Variants in PIK3CB observed in about 807,000 individuals in gnomAD.
PIK3CB encodes the protein phosphatidylinositol-4,5-bisphosphate 3-kinase catalytic subunit beta.
A neutral mutation model predicts 136.8 loss-of-function variants in PIK3CB; 39 were observed. The observed-to-expected ratio is 0.29, with a 90% confidence interval of 0.22 to 0.37. PIK3CB has a LOEUF of 0.37. PIK3CB is among the 10% of genes least tolerant of loss of function. The pLI, the probability that PIK3CB is intolerant of heterozygous loss-of-function variation, is 1.00. For synonymous variants in PIK3CB, 428 were observed against 436.6 expected (o/e 0.98, Z 0.25); for missense variants, 868 against 1,275.4 (o/e 0.68, Z 4.87).
intron 13 of PIK3CB, among the ~76,000 whole-genome samples, chr3:138,697,864 C>G (rs890958589): frequency 6.6e-6 from 1 of 152,088 alleles, no homozygotes; most frequent in Non-Finnish European, 1.5e-5. Context: ...ACTCAAGTAG[C>G]TAGGACTACA....
chr3:138,683,782 T>G lies in PIK3CB; in HGVS notation c.2321A>C (p.Glu774Ala). Reference protein sequence around the residue: ...PCVILSELYVEKCKYMDSKMK... With the variant: ...PCVILSELYVAKCKYMDSKMK... ...TTTGGAATCCATGTATTTGCACTTT[T>G]CAACACTGAAATCAAGTGGGGAAAA... is the stretch of plus-strand genomic sequence containing the variant. Residue 774 changes from glutamate to alanine, a missense_variant, in exon 18 of 24, where the codon GAA becomes GCA. Physicochemically the swap from Glu to Ala is moderately radical, Grantham distance 107 (BLOSUM62 -1). Coordinates refer to ENST00000674063, the MANE Select transcript of PIK3CB (RefSeq NM_006219.3). 3 of 1,544,772 alleles carry G rather than the reference T, an allele frequency of 1.9e-6. No individual in the cohort carries two copies. The highest frequency in any genetic ancestry group is 2.7e-6 in the Non-Finnish European group (3 of 1,117,716).
intron 2 of PIK3CB, among the ~76,000 whole-genome samples, chr3:138,771,427 C>A (rs1202977194): frequency 2.0e-5 from 3 of 151,994 alleles, no homozygotes; most frequent in Admixed American, 1.3e-4. Context: ...CACGTGTTAG[C>A]CAGGATGGTG....
At chr3:138,800,774 G>A (rs571238894) in intron 1 of PIK3CB, among the ~76,000 whole-genome samples, 2 of 152,112 alleles carry the variant, frequency 1.3e-5, no homozygotes, top group South Asian at 2.1e-4. Context: ...ACAGGTGTGT[G>A]CCACCACGCC....
At position 138,669,812 on chromosome 3, in the gene PIK3CB, G is replaced by A. The variant is rs544075354; in HGVS notation, c.2505-4609C>T. Among the ~76,000 whole-genome samples, 5 of 152,150 alleles carry A rather than the reference G, an allele frequency of 3.3e-5. No homozygotes were observed. In the South Asian group the frequency reaches 1.0e-3, roughly 32 times the overall value. On this transcript the variant is annotated intron_variant, in intron 19 of 23. Transcript: ENST00000674063. ...TGTACAGAAGGTACCTCAAGATTTG[G>A]GATTGACCTTAAAAGAGTGTGTGCT...
intron 8 of PIK3CB, among the ~76,000 whole-genome samples, chr3:138,715,430 T>G (rs922783011): frequency 6.6e-6 from 1 of 152,190 alleles, no homozygotes; most frequent in African/African-American, 2.4e-5. Flanking sequence ...ATTGACCCAG[T>G]GATACACTTT....
intron 2 of PIK3CB, among the ~76,000 whole-genome samples, chr3:138,771,517 C>A (rs1221186981): frequency 1.3e-5 from 2 of 152,128 alleles, no homozygotes; most frequent in East Asian, 1.9e-4. Context: ...CCGCGCCCGG[C>A]CCTAGAACTT....
At chr3:138,804,777 C>T in intron 1 of PIK3CB, among the ~76,000 whole-genome samples, 1 of 152,178 alleles carries the variant, frequency 6.6e-6, no homozygotes, top group East Asian at 1.9e-4. Flanking sequence ...GTAATCCCAG[C>T]ACTTTGGGAG....
chr3:138,795,993 C>A (rs2046104443), intron 2 of PIK3CB, among the ~76,000 whole-genome samples: 1 of 152,146 alleles, frequency 6.6e-6, no homozygotes, highest in Non-Finnish European at 1.5e-5. Context: ...GTTCTTAACT[C>A]TGTAGGAAAC....
intron 1 of PIK3CB, among the ~76,000 whole-genome samples, chr3:138,823,692 GCT>G (rs1269432388): frequency 6.6e-6 from 1 of 151,930 alleles, no homozygotes; most frequent in Non-Finnish European, 1.5e-5. Context: ...ACAGAGCGAG[GCT>G]CTGTCTCAAA....
At chr3:138,657,518 G>T in intron 22 of PIK3CB, 172 bp downstream of exon 22, 1 of 556,144 alleles carries the variant, frequency 1.8e-6, no homozygotes, top group South Asian at 2.5e-5. Flanking sequence ...CTCCTATCTG[G>T]GAATTTCTGA....
chr3:138,738,820 T>C, intron 5 of PIK3CB, among the ~76,000 whole-genome samples: 1 of 152,200 alleles, frequency 6.6e-6, no homozygotes, highest in Non-Finnish European at 1.5e-5. Context: ...ACTAACTTAT[T>C]GCTATTCTCT....
intron 19 of PIK3CB, among the ~76,000 whole-genome samples, chr3:138,677,381 A>AG (rs1363134462): frequency 8.5e-5 from 13 of 152,180 alleles, no homozygotes; most frequent in African/African-American, 3.1e-4. Context: ...AGGGTAATAT[A>AG]AATTCATTTT....
intron 1 of PIK3CB, among the ~76,000 whole-genome samples, chr3:138,797,595 G>A (rs1483514656): frequency 2.0e-5 from 3 of 152,092 alleles, no homozygotes; most frequent in Non-Finnish European, 4.4e-5. Flanking sequence ...GAACAATTTC[G>A]AAGTACATAA....
intron 2 of PIK3CB, among the ~76,000 whole-genome samples, chr3:138,784,958 C>G (rs1440946323): frequency 6.6e-6 from 1 of 151,762 alleles, no homozygotes; most frequent in African/African-American, 2.4e-5. Flanking sequence ...CGTCTCTGCC[C>G]GGCCACCCCG....
intron 2 of PIK3CB, among the ~76,000 whole-genome samples, chr3:138,790,796 G>A (rs1007807518): frequency 3.5e-4 from 52 of 149,236 alleles, no homozygotes; most frequent in Admixed American, 8.0e-4. Flanking sequence ...CCTAGGTGAC[G>A]GAGTGAGACT....
At chr3:138,781,455 A>C (rs1007413163) in intron 2 of PIK3CB, among the ~76,000 whole-genome samples, 1 of 149,664 alleles carries the variant, frequency 6.7e-6, no homozygotes, top group African/African-American at 2.5e-5. Flanking sequence ...TCTCTACAGA[A>C]ATTTTTTTTT....
chr3:138,658,789 T>A (rs182840403), intron 21 of PIK3CB, among the ~76,000 whole-genome samples: 1 of 152,356 alleles, frequency 6.6e-6, no homozygotes, highest in East Asian at 1.9e-4. Context: ...ATTCATTCAT[T>A]CATTTAGCTT....
At chr3:138,733,472 A>C in intron 7 of PIK3CB, 34 bp from the exon 8 acceptor site, 1 of 1,014,660 alleles carries the variant, frequency 9.9e-7, no homozygotes, top group African/African-American at 1.6e-5. Flanking sequence ...AAATTATTTT[A>C]ATGAAAGAAA....
At chr3:138,752,219 A>G (rs577035481) in intron 4 of PIK3CB, among the ~76,000 whole-genome samples, 139 of 152,302 alleles carry the variant, frequency 9.1e-4, no homozygotes, top group Admixed American at 3.0e-3. Context: ...TGGAATAAAC[A>G]CAGAAAAAAA....
Sources: gnomAD v4.1 joint callset for allele counts (sites outside exome capture counted in the v4.1 genomes callset) on GRCh38, gnomAD v4.1.1 for gene constraint, MANE v1.5 for transcripts, NCBI Gene and HGNC (gene_info 2026-07-23, HGNC 2026-07-21) for gene names.